Variants in GRID1 observed in about 807,000 individuals in gnomAD.
GRID1 encodes glutamate ionotropic receptor delta type subunit 1, also known as glutamate receptor ionotropic, delta-1.
A neutral mutation model predicts 98.0 loss-of-function variants in GRID1; 28 were observed. That is an observed-to-expected ratio of 0.29 (90% CI 0.21 to 0.39). The LOEUF (loss-of-function observed/expected upper bound fraction) is 0.39, where lower values mean the gene tolerates loss of function less well. GRID1 is among the 10% of genes least tolerant of loss of function. The pLI, the probability that GRID1 is intolerant of heterozygous loss-of-function variation, is 1.00. For synonymous variants in GRID1, 553 were observed against 538.5 expected (o/e 1.03, Z -0.37); for missense variants, 1,111 against 1,340.5 (o/e 0.83, Z 2.67).
intron 12 of GRID1, among the ~76,000 whole-genome samples, chr10:85,717,942 T>TCTC (rs34567130): frequency 0.67 from 101,037 of 151,854 alleles, 34,579 homozygotes; most frequent in African/African-American, 0.84. Flanking sequence ...TCCAAAATGA[T>TCTC]CTTTGACTCC....
At chr10:86,002,313 A>T (rs759445931) in intron 4 of GRID1, among the ~76,000 whole-genome samples, 11 of 152,232 alleles carry the variant, frequency 7.2e-5, no homozygotes, top group Non-Finnish European at 1.5e-4. Context: ...ATAGCAACTG[A>T]TTCTAAAGCT....
At chr10:85,975,446 G>T (rs561520849) in intron 4 of GRID1, among the ~76,000 whole-genome samples, 2 of 152,260 alleles carry the variant, frequency 1.3e-5, no homozygotes, top group African/African-American at 4.8e-5. Flanking sequence ...CACATTTAGG[G>T]CCAAGAGGGC....
chr10:85,830,753 T>C (rs1280257438), intron 8 of GRID1, among the ~76,000 whole-genome samples: 2 of 152,004 alleles, frequency 1.3e-5, no homozygotes, highest in African/African-American at 4.8e-5. Flanking sequence ...AAATCAAAAC[T>C]ATAATGATGT....
chr10:85,653,379 C>G (rs925861557), intron 12 of GRID1, among the ~76,000 whole-genome samples: 1 of 152,254 alleles, frequency 6.6e-6, no homozygotes, highest in African/African-American at 2.4e-5. Flanking sequence ...AGTATGTCCT[C>G]GCACTGGACT....
intron 4 of GRID1, among the ~76,000 whole-genome samples, chr10:86,065,196 T>G (rs1348649152): frequency 6.6e-6 from 1 of 152,226 alleles, no homozygotes; most frequent in Non-Finnish European, 1.5e-5. Context: ...AGTGTGCTCC[T>G]GGACCAGCAG....
intron 2 of GRID1, among the ~76,000 whole-genome samples, chr10:86,292,457 A>C (rs1400913349): frequency 6.6e-6 from 1 of 152,256 alleles, no homozygotes; most frequent in African/African-American, 2.4e-5. Flanking sequence ...CTCAGTTCTC[A>C]GGAAGAGCAG....
intron 6 of GRID1, among the ~76,000 whole-genome samples, chr10:85,866,672 T>G (rs78092837): frequency 0.021 from 3,241 of 152,270 alleles, 46 homozygotes; most frequent in Non-Finnish European, 0.033. Context: ...TTTCCGTATG[T>G]TCTCCGATTT....
intron 12 of GRID1, among the ~76,000 whole-genome samples, chr10:85,677,785 A>C (rs1841161364): frequency 6.6e-6 from 1 of 152,188 alleles, no homozygotes; most frequent in African/African-American, 2.4e-5. Flanking sequence ...GTGTTGAAGG[A>C]AAATAACCTC....
chr10:85,763,935 A>C (rs919276952), intron 8 of GRID1, among the ~76,000 whole-genome samples: 3 of 152,210 alleles, frequency 2.0e-5, no homozygotes, highest in African/African-American at 7.2e-5. Flanking sequence ...AAAATCCAGC[A>C]AAGTCTCTGA....
chr10:86,332,109 G>A (rs1848151416), intron 2 of GRID1, among the ~76,000 whole-genome samples: 1 of 152,224 alleles, frequency 6.6e-6, no homozygotes, highest in Admixed American at 6.5e-5. Context: ...CAGGCCAGGG[G>A]TGACTTCCCC....
intron 2 of GRID1, among the ~76,000 whole-genome samples, chr10:86,238,444 G>A (rs1220283887): frequency 6.6e-6 from 1 of 152,110 alleles, no homozygotes; most frequent in Non-Finnish European, 1.5e-5. Flanking sequence ...GGCAGATCAT[G>A]AGGTCAAGAG....
intron 2 of GRID1, among the ~76,000 whole-genome samples, chr10:86,317,493 A>G (rs1184314874): frequency 6.6e-6 from 1 of 152,200 alleles, no homozygotes; most frequent in Non-Finnish European, 1.5e-5. Context: ...TCACCTGCTG[A>G]AAGTGTGGAT....
intron 8 of GRID1, among the ~76,000 whole-genome samples, chr10:85,821,797 CTACAGTA>C (rs1313317933): frequency 6.6e-6 from 1 of 152,110 alleles, no homozygotes; most frequent in Non-Finnish European, 1.5e-5. Context: ...TACTACAAGG[CTACAGTA>C]ACCAAAACAG....
chr10:85,984,868 T>C (rs1842590103), intron 4 of GRID1, among the ~76,000 whole-genome samples: 1 of 131,884 alleles, frequency 7.6e-6, no homozygotes, highest in Non-Finnish European at 1.8e-5. Context: ...CCTCTGGCTC[T>C]TAACACTCTG....
At chr10:86,347,394 G>T (rs1848400281) in intron 2 of GRID1, among the ~76,000 whole-genome samples, 1 of 152,176 alleles carries the variant, frequency 6.6e-6, no homozygotes, top group Non-Finnish European at 1.5e-5. Context: ...GGACTGGGCA[G>T]CCCCCACCAG....
chr10:85,707,310 T>C (rs995688405), intron 12 of GRID1, among the ~76,000 whole-genome samples: 2 of 151,662 alleles, frequency 1.3e-5, no homozygotes, highest in African/African-American at 4.8e-5. Context: ...CTAAAGGATA[T>C]GAACAGACAC....
chr10:86,261,162 C>G (rs1847010445), intron 2 of GRID1, among the ~76,000 whole-genome samples: 1 of 152,242 alleles, frequency 6.6e-6, no homozygotes, highest in South Asian at 2.1e-4. Flanking sequence ...CTATGATTAT[C>G]TCGATTTTAT....
At chr10:86,297,952 A>G (rs999453924) in intron 2 of GRID1, among the ~76,000 whole-genome samples, 4 of 152,352 alleles carry the variant, frequency 2.6e-5, no homozygotes, top group East Asian at 1.9e-4. Flanking sequence ...GGTAAAACCA[A>G]TCTTCTTGCA....
chr10:86,250,611 C>A (rs905989524), intron 2 of GRID1, among the ~76,000 whole-genome samples: 39 of 136,946 alleles, frequency 2.8e-4, no homozygotes, highest in African/African-American at 9.7e-4. Context: ...GGGGGGCAGC[C>A]CCCGCCTGGC....
Sources: allele counts gnomAD v4.1 joint callset (sites outside exome capture counted in the v4.1 genomes callset), GRCh38; gene constraint gnomAD v4.1.1; transcripts MANE v1.5; gene names NCBI Gene and HGNC (gene_info 2026-07-23, HGNC 2026-07-21).